Variants in CPSF3 observed in about 807,000 individuals in gnomAD.
CPSF3 encodes cleavage and polyadenylation specificity factor subunit 3.
Under a neutral mutation model 84.1 loss-of-function variants are expected in CPSF3, and 57 were observed. The observed-to-expected ratio is 0.68, with a 90% CI of 0.55 to 0.85. CPSF3 has a LOEUF of 0.85. CPSF3 is among the 40% of genes least tolerant of loss of function. CPSF3 has a pLI of 0.00. For synonymous variants in CPSF3, 275 were observed against 278.1 expected (o/e 0.99, Z 0.11); for missense variants, 522 against 838.8 (o/e 0.62, Z 4.66).
chr2:9,431,841 G>A (rs188753012), intron 4 of CPSF3, among the ~76,000 whole-genome samples: 6 of 152,150 alleles, frequency 3.9e-5, no homozygotes, highest in East Asian at 3.9e-4. Flanking sequence ...TTGAGCCACC[G>A]CACCCAGCCG....
chr2:9,430,608 C>T (rs374557705), intron 3 of CPSF3, 144 bp from the exon 4 acceptor site: 7 of 669,906 alleles, frequency 1.0e-5, no homozygotes, highest in Admixed American at 2.9e-5. Context: ...CTTCCTTCTA[C>T]ACATACCTAC....
At chr2:9,455,820 C>A (rs1183598884) in intron 13 of CPSF3, 63 bp downstream of exon 13, 1 of 1,175,682 alleles carries the variant, frequency 8.5e-7, no homozygotes, top group Non-Finnish European at 1.2e-6. Flanking sequence ...AATTTTCTAT[C>A]TAGAAAAGAA....
intron 15 of CPSF3, among the ~76,000 whole-genome samples, chr2:9,459,907 C>T (rs570321224): frequency 1.3e-5 from 2 of 152,036 alleles, no homozygotes; most frequent in African/African-American, 2.4e-5. Context: ...CTCAGCCTTC[C>T]AAAGTGCTGG....
At chr2:9,434,909 C>T (rs1022220711) in intron 6 of CPSF3, among the ~76,000 whole-genome samples, 2 of 152,184 alleles carry the variant, frequency 1.3e-5, no homozygotes, top group African/African-American at 4.8e-5. Flanking sequence ...TCCCCAGCTG[C>T]CCAGGCATGT....
chr2:9,430,850 G>C lies in CPSF3; in HGVS notation c.311G>C (p.Arg104Thr). Residue 104 changes from arginine (R) to threonine (T), a missense_variant, in exon 4 of 18, where the codon AGA becomes ACA. Physicochemically the swap from Arg to Thr is moderately conservative, Grantham distance 71 (BLOSUM62 -1). Around this residue, in one of 2 missense-constraint regions of CPSF3, gnomAD observed 329 missense variants for 607.2 expected, o/e 0.54. Coordinates refer to ENST00000238112, the MANE Select transcript of CPSF3 (RefSeq NM_016207.4). The stretch of plus-strand genomic sequence containing the variant: ...ACTCATGCCACAAAAGCTATTTATA[G>C]ATGGCTTCTTTCTGATTATGTCAAA... Reference protein sequence around the residue: ...FMTHATKAIYRWLLSDYVKVS... With the variant: ...FMTHATKAIYTWLLSDYVKVS... 5.6e-6 allele frequency: 9 copies of C among 1,613,022 alleles called. No individual in the cohort carries two copies. Among genetic ancestry groups the C allele is most frequent in the Non-Finnish European group, 7.6e-6 (9 of 1,179,146 alleles).
At chr2:9,446,597 AAAAGTAT>A (rs1558457032) in intron 10 of CPSF3, among the ~76,000 whole-genome samples, 1 of 151,336 alleles carries the variant, frequency 6.6e-6, no homozygotes, top group Non-Finnish European at 1.5e-5. Flanking sequence ...AAAAAAAAAA[AAAAGTAT>A]AAAAATTAGG....
intron 6 of CPSF3, among the ~76,000 whole-genome samples, chr2:9,434,980 A>G (rs1680724098): frequency 6.6e-6 from 1 of 152,268 alleles, no homozygotes; most frequent in Non-Finnish European, 1.5e-5. Flanking sequence ...GACTCTGCTC[A>G]TGGTATGCCC....
intron 1 of CPSF3, chr2:9,424,276 G>A: frequency 1.0e-6 from 1 of 986,330 alleles, no homozygotes; most frequent in Non-Finnish European, 1.2e-6. Flanking sequence ...GGCTTCACAT[G>A]TGCCAGAAGT....
rs796597211 is a variant in CPSF3, at chr2:9,442,486, T to C, written c.1095+510T>C. On this transcript the variant is annotated intron_variant, in intron 9 of 17. Coordinates refer to ENST00000238112, the MANE Select transcript of CPSF3 (RefSeq NM_016207.4). Reference sequence around the variant, plus strand: ...CTCTATTTTATTTTTAAAAATATGATATGATTCTTTGATAATCTTTATTAC... The same window carrying C: ...CTCTATTTTATTTTTAAAAATATGACATGATTCTTTGATAATCTTTATTAC... Among the ~76,000 whole-genome samples the C allele has an allele frequency of 6.6e-5, 10 of 152,338 alleles. No homozygotes were observed. In the South Asian group the frequency reaches 1.5e-3, roughly 22 times the overall value.
intron 11 of CPSF3, among the ~76,000 whole-genome samples, chr2:9,450,358 T>C (rs1329336835): frequency 6.6e-6 from 1 of 151,946 alleles, no homozygotes; most frequent in Non-Finnish European, 1.5e-5. Flanking sequence ...TTTCACCACA[T>C]TGGCCAGGCT....
chr2:9,451,943 C>T (rs1047489770), intron 11 of CPSF3, among the ~76,000 whole-genome samples: 1 of 152,016 alleles, frequency 6.6e-6, no homozygotes, highest in African/African-American at 2.4e-5. Flanking sequence ...GTCTCAATCT[C>T]GTGACCTCAT....
At chr2:9,432,761 A>G in intron 5 of CPSF3, 73 bp downstream of exon 5, 1 of 1,205,338 alleles carries the variant, frequency 8.3e-7, no homozygotes, top group Non-Finnish European at 1.1e-6. Context: ...GTACTATTAA[A>G]AAAAAAAATT....
At chr2:9,432,860 T>C (rs948427899) in intron 5 of CPSF3, among the ~76,000 whole-genome samples, 172 bp downstream of exon 5, 4 of 152,094 alleles carry the variant, frequency 2.6e-5, no homozygotes, top group African/African-American at 9.7e-5. Flanking sequence ...AGTTCCTACC[T>C]CCATTACAAT....
chr2:9,459,636 TC>T lies in CPSF3; in HGVS notation c.1786+20del. 11 of 720,720 alleles carry T rather than the reference TC, an allele frequency of 1.5e-5. No individual in the cohort carries two copies. The highest frequency in any genetic ancestry group is 5.3e-5 in the Admixed American group (2 of 37,428). The allele number at this position is 720,720 out of a possible 1,614,324, so 44.6% of individuals were successfully genotyped here. ...AAGAAAAGGTAAGAGTTCATTTTTA[TC>T]CTTTTTTTTTTTTTTTTTTTTTTTT... On this transcript the variant is annotated intron_variant, in intron 15 of 17. Transcript: ENST00000238112.
chr2:9,463,536 G>A (rs913905810), intron 15 of CPSF3, among the ~76,000 whole-genome samples: 3 of 152,236 alleles, frequency 2.0e-5, no homozygotes, highest in African/African-American at 7.2e-5. Flanking sequence ...TATGTGATAT[G>A]TCAGCATGGA....
intron 15 of CPSF3, among the ~76,000 whole-genome samples, chr2:9,466,745 T>A (rs1270023148): frequency 6.6e-6 from 1 of 152,262 alleles, no homozygotes; most frequent in East Asian, 1.9e-4. Context: ...GCGTTTCAGA[T>A]AAATGGAATC....
chr2:9,440,942 G>A (rs1184081576), intron 8 of CPSF3, among the ~76,000 whole-genome samples: 24 of 152,176 alleles, frequency 1.6e-4, no homozygotes, highest in Admixed American at 2.0e-4. Context: ...AACAGGTGTC[G>A]TTTTTCTGCA....
At chr2:9,471,533 G>A (rs534398134) in intron 17 of CPSF3, 94 bp downstream of exon 17, 4 of 751,564 alleles carry the variant, frequency 5.3e-6, no homozygotes, top group Admixed American at 2.1e-5. Context: ...GTCTACTGTT[G>A]CATATTGGCA....
intron 16 of CPSF3, 30 bp from the exon 17 acceptor site, chr2:9,471,313 C>A: frequency 7.4e-7 from 1 of 1,355,440 alleles, no homozygotes; most frequent in Non-Finnish European, 1.1e-6. Context: ...CGGGCATTTT[C>A]ACTAATCCTG....
Sources: gnomAD v4.1 joint callset for allele counts (sites outside exome capture counted in the v4.1 genomes callset) on GRCh38, gnomAD v4.1.1 for gene constraint, gnomAD v4.1.1 regional missense constraint, MANE v1.5 for transcripts, NCBI Gene and HGNC (gene_info 2026-07-23, HGNC 2026-07-21) for gene names.